NF1: variants seen among roughly 807,000 people sequenced by gnomAD.
The protein encoded by NF1 is neurofibromin 1.
A neutral mutation model predicts 325.7 loss-of-function variants in NF1; 122 were observed. The observed-to-expected ratio is 0.37, with a 90% CI of 0.32 to 0.44. The LOEUF (loss-of-function observed/expected upper bound fraction) is 0.44. Ranked by LOEUF, NF1 falls within the 20% of genes least tolerant of loss-of-function variation. The pLI is 1.00. For missense variants in NF1, 2,140 were observed against 3,415.4 expected, an observed-to-expected ratio of 0.63 and a Z score of 9.31; for synonymous variants, 1,091 against 1,186.0, an observed-to-expected ratio of 0.92 and a Z score of 1.65.
chr17:31,337,794 G>A (rs764810748), intron 43 of NF1, 25 bp from the exon 44 acceptor site: 1 of 1,608,878 alleles, frequency 6.2e-7, no homozygotes, highest in Non-Finnish European at 8.5e-7. Context: ...TGTACAATAT[G>A]TATTCAGAGT....
intron 11 of NF1, among the ~76,000 whole-genome samples, chr17:31,205,734 T>C (rs2066607912): frequency 6.6e-6 from 1 of 152,174 alleles, no homozygotes; most frequent in Non-Finnish European, 1.5e-5. Flanking sequence ...TAATTTCATG[T>C]TGTAATTATC....
At chr17:31,308,286 A>C (rs994697151) in intron 36 of NF1, among the ~76,000 whole-genome samples, 2 of 151,864 alleles carry the variant, frequency 1.3e-5, no homozygotes, top group African/African-American at 4.8e-5. Context: ...TACAGTAGGC[A>C]TACACTACCA....
chr17:31,360,405 A>G, intron 56 of NF1, 82 bp from the exon 57 acceptor site: 1 of 1,216,780 alleles, frequency 8.2e-7, no homozygotes, highest in Non-Finnish European at 1.2e-6. Context: ...AATTAAGTCC[A>G]AACAAAATTA....
intron 36 of NF1, chr17:31,295,229 G>T: frequency 6.2e-7 from 1 of 1,614,118 alleles, no homozygotes; most frequent in South Asian, 1.1e-5. Context: ...TGTTGAGCTA[G>T]TGAGGCTTGT....
At chr17:31,182,828 T>G in intron 8 of NF1, 163 bp downstream of exon 8, 2 of 669,178 alleles carry the variant, frequency 3.0e-6, no homozygotes, top group South Asian at 1.8e-5. Flanking sequence ...AGAGACATAC[T>G]CATACATAAT....
intron 36 of NF1, among the ~76,000 whole-genome samples, chr17:31,287,440 A>G (rs866910040): frequency 3.3e-5 from 5 of 152,286 alleles, no homozygotes; most frequent in South Asian, 2.1e-4. Context: ...TAAACCACCA[A>G]TATAGTTAGA....
chr17:31,318,946 GA>G, intron 36 of NF1: 1 of 1,613,596 alleles, frequency 6.2e-7, no homozygotes, highest in Non-Finnish European at 8.5e-7. Flanking sequence ...AGGAGACAAA[GA>G]AAAAACTGTT....
intron 34 of NF1, among the ~76,000 whole-genome samples, chr17:31,261,197 C>T (rs867555126): frequency 2.6e-5 from 4 of 150,992 alleles, no homozygotes; most frequent in South Asian, 2.1e-4. Context: ...GATCCAAGAT[C>T]GCACAATTGT....
At chr17:31,213,961 G>A (rs2066774592) in intron 12 of NF1, among the ~76,000 whole-genome samples, 1 of 152,050 alleles carries the variant, frequency 6.6e-6, no homozygotes, top group Non-Finnish European at 1.5e-5. Flanking sequence ...TCTTACAATT[G>A]ACAGCAGTTT....
chr17:31,314,907 T>C (rs2068981267), intron 36 of NF1, among the ~76,000 whole-genome samples: 1 of 152,194 alleles, frequency 6.6e-6, no homozygotes, highest in Admixed American at 6.5e-5. Flanking sequence ...TTTACTGATT[T>C]ACATTCCCAC....
intron 39 of NF1, chr17:31,331,832 G>A (rs2151546411): frequency 7.3e-6 from 1 of 137,392 alleles, no homozygotes; most frequent in South Asian, 2.5e-4. Flanking sequence ...AGCCCCAGAG[G>A]TCAGGGCTAT....
At position 31,336,303 on chromosome 17, in the gene NF1, A is replaced by T. The variant is rs2151553021; in HGVS notation, c.6007-30A>T. On this transcript the variant is annotated intron_variant, in intron 40 of 57. Coordinates refer to ENST00000358273, the MANE Select transcript of NF1 (RefSeq NM_001042492.3). This position sits in a 1 kb window ranked among gnomAD's most constrained non-coding sequence, Gnocchi z 5.5. ...TAAAAATTAAATTGGTAGAGTGATTAAAAACATGTTATTTTCCTTCTTCAA... is the reference window on the plus strand; with the variant it reads ...TAAAAATTAAATTGGTAGAGTGATTTAAAACATGTTATTTTCCTTCTTCAA... 1.2e-6 allele frequency: 2 copies of T among 1,610,358 alleles called. No homozygotes were observed. Among genetic ancestry groups the T allele is most frequent in the Non-Finnish European group, 1.7e-6 (2 of 1,176,862 alleles).
intron 1 of NF1, among the ~76,000 whole-genome samples, chr17:31,148,280 T>C (rs916966620): frequency 1.8e-4 from 28 of 152,202 alleles, no homozygotes; most frequent in African/African-American, 5.3e-4. Context: ...TTCAAATTAT[T>C]ACACTTTTGG....
chr17:31,113,490 C>T (rs1455803571), intron 1 of NF1, among the ~76,000 whole-genome samples: 2 of 151,550 alleles, frequency 1.3e-5, no homozygotes, highest in Admixed American at 6.6e-5. Context: ...GCTGTCCTCT[C>T]GCCTCGGCTT....
At position 31,333,725 on chromosome 17, in the gene NF1, A is replaced by G. The variant is rs142363242; in HGVS notation, c.5813-1113A>G. ...GAAGATGAAAAGGTTCTAGAGATGGATGGTGGTGATGGCTGCACAATGATT... is the reference window on the plus strand; with the variant it reads ...GAAGATGAAAAGGTTCTAGAGATGGGTGGTGGTGATGGCTGCACAATGATT... On this transcript the variant is annotated intron_variant, in intron 39 of 57. Transcript: ENST00000358273. Among the ~76,000 whole-genome samples, 9 of 152,328 alleles carry G rather than the reference A, an allele frequency of 5.9e-5. No individual in the cohort carries two copies. The East Asian group carries it at 7.7e-4, about 13-fold the overall frequency.
At position 31,241,171 on chromosome 17, in the gene NF1, C is replaced by A. The variant is rs190375212; in HGVS notation, c.3974+5150C>A. On this transcript the variant is annotated intron_variant, in intron 29 of 57. Transcript: ENST00000358273. The stretch of plus-strand genomic sequence containing the variant: ...GAGATTACAGGCATGAGCTACCATG[C>A]CCAGCCATGGAATATCTTTTTTCTT... Among the ~76,000 whole-genome samples, 12 of 152,304 alleles carry A rather than the reference C, an allele frequency of 7.9e-5. No homozygotes were observed. The East Asian group carries it at 2.3e-3, about 29-fold the overall frequency.
rs2070673597 is a variant in NF1, at chr17:31,372,977, C to T, written c.8378-1036C>T. ...GTTATAGTGAGCTATGATCACACCA[C>T]TGCACTGCAGCCTGTGCAACAGGGC... On this transcript the variant is annotated intron_variant, in intron 57 of 57. Coordinates refer to ENST00000358273, the MANE Select transcript of NF1 (RefSeq NM_001042492.3). Among the ~76,000 whole-genome samples, 3 of 152,248 alleles carry T rather than the reference C, an allele frequency of 2.0e-5. No individual in the cohort carries two copies. The South Asian group carries it at 6.2e-4, about 32-fold the overall frequency.
rs569829653 is a variant in NF1 at position 31,122,568 on chromosome 17, G to A, written c.60+27199G>A. On this transcript the variant is annotated intron_variant, in intron 1 of 57. Coordinates refer to ENST00000358273, the MANE Select transcript of NF1 (RefSeq NM_001042492.3). ...TCACATTGTTTTATTTTGCTTGAATGGGTGCTGTTGGCTTAAACATCTAAT... is the reference window on the plus strand; with the variant it reads ...TCACATTGTTTTATTTTGCTTGAATAGGTGCTGTTGGCTTAAACATCTAAT... Among the ~76,000 whole-genome samples, 10 of 152,308 alleles carry A rather than the reference G, an allele frequency of 6.6e-5. No individual in the cohort carries two copies. The South Asian group carries it at 1.9e-3, about 28-fold the overall frequency.
intron 36 of NF1, chr17:31,296,026 C>T (rs2068457016): frequency 6.2e-7 from 1 of 1,614,036 alleles, no homozygotes. Context: ...CAGACATGTT[C>T]CACAGAGACC....
Sources: gnomAD v4.1 joint callset for allele counts (sites outside exome capture counted in the v4.1 genomes callset) on GRCh38, gnomAD v4.1.1 for gene constraint, Gnocchi (gnomAD v3.1) non-coding constraint, MANE v1.5 for transcripts, NCBI Gene and HGNC (gene_info 2026-07-23, HGNC 2026-07-21) for gene names.